VRK3: variants seen among roughly 807,000 people sequenced by gnomAD.
The protein encoded by VRK3 is VRK serine/threonine kinase 3.
A neutral mutation model predicts 60.4 loss-of-function variants in VRK3; 50 were observed. The observed-to-expected ratio is 0.83, with a 90% confidence interval of 0.66 to 1.05. The LOEUF (loss-of-function observed/expected upper bound fraction) is 1.05. Among genes scored for constraint, VRK3 ranks in the 50% least tolerant of loss-of-function variants. The pLI, the probability that VRK3 is intolerant of heterozygous loss-of-function variation, is 0.00. For missense variants in VRK3, 549 were observed against 585.3 expected (o/e 0.94, Z 0.64); for synonymous variants, 246 against 227.8 (o/e 1.08, Z -0.72).
intron 2 of VRK3, among the ~76,000 whole-genome samples, chr19:50,017,960 G>A (rs2077104843): frequency 6.6e-6 from 1 of 152,200 alleles, no homozygotes; most frequent in Non-Finnish European, 1.5e-5. Flanking sequence ...CACCCTGGCT[G>A]CAAGAGACCA....
At chr19:49,995,133 C>T (rs2076679138) in intron 8 of VRK3, 58 bp downstream of exon 8, 1 of 1,570,676 alleles carries the variant, frequency 6.4e-7, no homozygotes, top group Non-Finnish European at 8.7e-7. Context: ...TGCCTGGAGT[C>T]ACAACAGGAA....
At chr19:49,996,686 G>A (rs1258865936) in intron 7 of VRK3, among the ~76,000 whole-genome samples, 5 of 151,366 alleles carry the variant, frequency 3.3e-5, no homozygotes, top group Non-Finnish European at 5.9e-5. Flanking sequence ...GCATGATCTC[G>A]GCTCACTGCA....
At chr19:49,986,314 C>CA (rs1005540593) in intron 12 of VRK3, 6 of 152,934 alleles carry the variant, frequency 3.9e-5, no homozygotes, top group Non-Finnish European at 8.8e-5. Flanking sequence ...AGCATAGTGC[C>CA]ATTTATACAA....
intron 14 of VRK3, among the ~76,000 whole-genome samples, chr19:49,977,922 T>C (rs1422184128): frequency 6.6e-6 from 1 of 152,156 alleles, no homozygotes; most frequent in Non-Finnish European, 1.5e-5. Flanking sequence ...CACGAATCGC[T>C]TGACACACAC....
Position 50,007,826 on chromosome 19 carries a change from C to T in VRK3, c.290G>A (p.Gly97Asp). Residue 97 changes from glycine (G) to aspartate (D), a missense_variant and splice_region_variant, in exon 5 of 15, where the codon GGC becomes GAC. By Grantham distance (94) the Gly-to-Asp change is moderately conservative. Coordinates refer to ENST00000316763, the MANE Select transcript of VRK3 (RefSeq NM_016440.4). ...DTLSSSERSK[G>D]SGSRPPTPKS... ...GGGGGTTGGGGGTCTGCTCCCGGAG[C>T]CTGCAGGAGGATGTAAGAATAAAGT... 6.2e-7 allele frequency: 1 copy of T among 1,614,034 alleles called. No homozygotes were observed. Among genetic ancestry groups the T allele is most frequent in the Non-Finnish European group, 8.5e-7 (1 of 1,180,008 alleles).
intron 3 of VRK3, among the ~76,000 whole-genome samples, chr19:50,010,112 C>A (rs1446553207): frequency 2.0e-5 from 3 of 151,976 alleles, no homozygotes; most frequent in Non-Finnish European, 4.4e-5. Context: ...TATATATACA[C>A]ACATACACAT....
At chr19:50,021,852 G>A (rs1007551608) in intron 1 of VRK3, among the ~76,000 whole-genome samples, 1 of 152,188 alleles carries the variant, frequency 6.6e-6, no homozygotes, top group Non-Finnish European at 1.5e-5. Context: ...CTAAGTTCTC[G>A]GCAGGTATTA....
rs866739591 is a variant in VRK3 at position 49,985,648 on chromosome 19, T to C, written c.1217+2724A>G. 7.2e-5 allele frequency among the ~76,000 whole-genome samples: 11 copies of C among 152,252 alleles called. No homozygotes were observed. In the South Asian group the frequency reaches 2.3e-3, roughly 32 times the overall value. Reference sequence around the variant, plus strand: ...AGTCTGACCTCTGACACACCATGTGTTTCACCCTTTAGCTCCTGTCTCCCG... The same window carrying C: ...AGTCTGACCTCTGACACACCATGTGCTTCACCCTTTAGCTCCTGTCTCCCG... On this transcript the variant is annotated intron_variant, in intron 12 of 14. Coordinates refer to ENST00000316763, the MANE Select transcript of VRK3 (RefSeq NM_016440.4).
intron 3 of VRK3, among the ~76,000 whole-genome samples, chr19:50,012,315 G>A (rs2038495582): frequency 1.3e-5 from 2 of 152,032 alleles, no homozygotes; most frequent in South Asian, 4.1e-4. Context: ...TACCCACTTA[G>A]GGAGATCTTC....
Position 49,989,705 on chromosome 19 carries a change from C to A in VRK3, c.1030G>T (p.Glu344Ter). The A allele has an allele frequency of 1.2e-6, 2 of 1,613,994 alleles. No homozygotes were observed. The highest frequency in any genetic ancestry group is 3.3e-5 in the Admixed American group (2 of 60,010). The change falls in exon 11 of 15, where the codon GAA (glutamate) becomes TAA (stop). Residue 344 changes from glutamate to a stop codon, truncating the protein, a stop_gained. Coordinates refer to ENST00000316763, the MANE Select transcript of VRK3 (RefSeq NM_016440.4). LOFTEE classifies it high-confidence loss of function. Reference protein sequence around the residue: ...CPSGKHVAYVEGSRSPHEGDL... With the variant: ...CPSGKHVAYV ...CCCTCGTGAGGGCTCCTGCTGCCTT[C>A]CACGTAGGCCACGTGTTTGCCACTT...
intron 8 of VRK3, 87 bp downstream of exon 8, chr19:49,995,104 G>A (rs1288614903): frequency 2.1e-6 from 3 of 1,463,040 alleles, no homozygotes; most frequent in East Asian, 2.3e-5. Context: ...CCTGGCCCAC[G>A]GCTTCGGGGT....
At chr19:50,020,131 C>T (rs1157962180) in intron 2 of VRK3, among the ~76,000 whole-genome samples, 1 of 151,930 alleles carries the variant, frequency 6.6e-6, no homozygotes, top group East Asian at 1.9e-4. Flanking sequence ...ACCTCTGCCT[C>T]CCAGGTTCAA....
At chr19:49,990,757 A>G (rs551531171) in intron 10 of VRK3, among the ~76,000 whole-genome samples, 4 of 151,740 alleles carry the variant, frequency 2.6e-5, no homozygotes, top group African/African-American at 9.7e-5. Context: ...TTCTGTTTAC[A>G]GTTTGTGGTG....
chr19:50,006,330 A>T lies in VRK3; in HGVS notation c.547+1239T>A, dbSNP rs539666753. Among the ~76,000 whole-genome samples the T allele has an allele frequency of 1.8e-3, 276 of 151,520 alleles. 2 individuals are homozygous for T. The highest frequency in any genetic ancestry group is 6.5e-3 in the African/African-American group (267 of 41,328). Reference sequence around the variant, plus strand: ...CTCTCAAAAAAATAAAAAATAATAAATAATAATAATAAAAGAATAACTTTT... The same window carrying T: ...CTCTCAAAAAAATAAAAAATAATAATTAATAATAATAAAAGAATAACTTTT... On this transcript the variant is annotated intron_variant, in intron 5 of 14. Transcript: ENST00000316763.
intron 6 of VRK3, chr19:49,999,744 T>C (rs1365530249): frequency 1.3e-5 from 2 of 152,248 alleles, no homozygotes; most frequent in Non-Finnish European, 1.5e-5. Flanking sequence ...CACCAAGTTT[T>C]GAGCCTCAGG....
chr19:50,025,162 G>C (rs146766972), intron 1 of VRK3, 105 bp downstream of exon 1: 1 of 152,310 alleles, frequency 6.6e-6, no homozygotes, highest in East Asian at 1.9e-4. Flanking sequence ...CGACAGCAGG[G>C]GCCTCCGCCT....
intron 5 of VRK3, among the ~76,000 whole-genome samples, chr19:50,006,127 A>T (rs986927923): frequency 1.3e-5 from 2 of 150,228 alleles, no homozygotes; most frequent in African/African-American, 5.0e-5. Flanking sequence ...CTCTACTAAA[A>T]ATACAAAAAA....
chr19:49,989,858 C>T, intron 10 of VRK3, 87 bp from the exon 11 acceptor site: 2 of 1,433,688 alleles, frequency 1.4e-6, no homozygotes, highest in Non-Finnish European at 9.3e-7. Context: ...TGACAACAAA[C>T]ATTCTACCAA....
chr19:50,002,336 G>A (rs970481639), intron 5 of VRK3, among the ~76,000 whole-genome samples: 3 of 152,142 alleles, frequency 2.0e-5, no homozygotes, highest in African/African-American at 7.2e-5. Flanking sequence ...AGGGTGCTCT[G>A]AGCCCAGGGG....
Sources: allele counts gnomAD v4.1 joint callset (sites outside exome capture counted in the v4.1 genomes callset), GRCh38; gene constraint gnomAD v4.1.1; transcripts MANE v1.5; gene names NCBI Gene and HGNC (gene_info 2026-07-23, HGNC 2026-07-21).